The following TCF4 variants were observed in gnomAD, a reference collection of about 807,000 sequenced individuals.
TCF4 encodes transcription factor 4.
Under a neutral mutation model 82.1 loss-of-function variants are expected in TCF4, and 3 were observed. The observed-to-expected ratio is 0.04, with a 90% CI of 0.02 to 0.09. The LOEUF (loss-of-function observed/expected upper bound fraction) is 0.09. Ranked by LOEUF, TCF4 falls within the 10% of genes least tolerant of loss-of-function variation. The pLI is 1.00. For missense variants in TCF4, 518 were observed against 852.7 expected, an observed-to-expected ratio of 0.61 and a Z score of 4.89; for synonymous variants, 276 against 309.6, an observed-to-expected ratio of 0.89 and a Z score of 1.14.
At chr18:55,537,074 C>T (rs1302379160) in intron 3 of TCF4, among the ~76,000 whole-genome samples, 1 of 145,300 alleles carries the variant, frequency 6.9e-6, no homozygotes, top group Non-Finnish European at 1.5e-5. Context: ...GCAGAGCTGG[C>T]AGTGAGCAAA....
intron 3 of TCF4, among the ~76,000 whole-genome samples, chr18:55,480,445 G>A (rs1037142311): frequency 4.6e-5 from 7 of 151,970 alleles, no homozygotes; most frequent in Non-Finnish European, 1.0e-4. Flanking sequence ...AAAATCTTAC[G>A]AAAATAAAAT....
intron 5 of TCF4, among the ~76,000 whole-genome samples, chr18:55,409,830 C>G (rs1302454449): frequency 6.6e-6 from 1 of 152,072 alleles, no homozygotes; most frequent in Non-Finnish European, 1.5e-5. Flanking sequence ...ACTAGCTAGT[C>G]AACTTTACTC....
At chr18:55,579,140 GATTAA>G (rs1242219916) in intron 3 of TCF4, among the ~76,000 whole-genome samples, 1 of 150,784 alleles carries the variant, frequency 6.6e-6, no homozygotes, top group Non-Finnish European at 1.5e-5. Flanking sequence ...CTTCTCCAAA[GATTAA>G]ATTATTATTT....
chr18:55,624,429 C>A (rs1225915877), intron 2 of TCF4, among the ~76,000 whole-genome samples: 2 of 152,082 alleles, frequency 1.3e-5, no homozygotes, highest in African/African-American at 2.4e-5. Context: ...TTCAAGTGTT[C>A]TGGAAGAGTA....
intron 8 of TCF4, among the ~76,000 whole-genome samples, chr18:55,345,203 A>T (rs1253014709): frequency 6.6e-6 from 1 of 151,910 alleles, no homozygotes; most frequent in Non-Finnish European, 1.5e-5. Flanking sequence ...AAATATAAAG[A>T]TTCTCCTATA....
At chr18:55,515,812 G>A (rs1234195781) in intron 3 of TCF4, among the ~76,000 whole-genome samples, 1 of 152,062 alleles carries the variant, frequency 6.6e-6, no homozygotes, top group Non-Finnish European at 1.5e-5. Context: ...AATTTGGAGG[G>A]GGGTGGGCGT....
chr18:55,440,140 C>T (rs1326321935), intron 5 of TCF4, among the ~76,000 whole-genome samples: 2 of 152,174 alleles, frequency 1.3e-5, no homozygotes, highest in East Asian at 3.8e-4. Flanking sequence ...CCACGCCCAG[C>T]CACAATCATT....
At chr18:55,604,084 G>A (rs982343136) in intron 2 of TCF4, among the ~76,000 whole-genome samples, 4 of 152,066 alleles carry the variant, frequency 2.6e-5, no homozygotes, top group East Asian at 1.9e-4. Context: ...CAGAACAAGC[G>A]TTGGACACAT....
At chr18:55,613,101 TAA>T (rs1466837862) in intron 2 of TCF4, among the ~76,000 whole-genome samples, 1 of 152,184 alleles carries the variant, frequency 6.6e-6, no homozygotes, top group Non-Finnish European at 1.5e-5. Flanking sequence ...TTGAGGTGTA[TAA>T]GTGTCAAATA....
At chr18:55,271,630 A>C (rs572474254) in intron 10 of TCF4, among the ~76,000 whole-genome samples, 1 of 152,266 alleles carries the variant, frequency 6.6e-6, no homozygotes, top group Non-Finnish European at 1.5e-5. Context: ...ATGCCTTTCA[A>C]ATTTTTAAAT....
chr18:55,257,441 C>T (rs1159360441), intron 13 of TCF4, 50 bp from the exon 14 acceptor site: 11 of 1,573,724 alleles, frequency 7.0e-6, no homozygotes, highest in South Asian at 5.5e-5. Flanking sequence ...TGTAAAAAGA[C>T]GCTTGCCAAT....
At chr18:55,485,254 C>A (rs2145677608) in intron 3 of TCF4, among the ~76,000 whole-genome samples, 1 of 152,282 alleles carries the variant, frequency 6.6e-6, no homozygotes, top group South Asian at 2.1e-4. Context: ...AGACATTTCC[C>A]TATGTTTAAG....
At chr18:55,335,838 A>G (rs957218947) in intron 8 of TCF4, among the ~76,000 whole-genome samples, 1 of 152,188 alleles carries the variant, frequency 6.6e-6, no homozygotes, top group Non-Finnish European at 1.5e-5. Flanking sequence ...AACTACATAC[A>G]TATTTTTTGT....
intron 3 of TCF4, among the ~76,000 whole-genome samples, chr18:55,487,379 A>G (rs2096528371): frequency 6.6e-6 from 1 of 152,350 alleles, no homozygotes; most frequent in African/African-American, 2.4e-5. Flanking sequence ...CCCCACCAGG[A>G]TGCAAGCTTC....
chr18:55,503,307 TAGAA>T (rs1183099018), intron 3 of TCF4, among the ~76,000 whole-genome samples: 1 of 152,218 alleles, frequency 6.6e-6, no homozygotes. Context: ...AATTCGAAGT[TAGAA>T]AGCCATAAAT....
At chr18:55,292,077 C>T (rs371924883) in intron 8 of TCF4, among the ~76,000 whole-genome samples, 3 of 152,078 alleles carry the variant, frequency 2.0e-5, no homozygotes, top group South Asian at 4.2e-4. Context: ...AGTTAGTTCA[C>T]GACTTCAGGC....
intron 5 of TCF4, among the ~76,000 whole-genome samples, chr18:55,444,316 A>G (rs2095489925): frequency 6.6e-6 from 1 of 152,206 alleles, no homozygotes; most frequent in African/African-American, 2.4e-5. Flanking sequence ...AACACTAAAA[A>G]TGAGAGCAGA....
intron 5 of TCF4, among the ~76,000 whole-genome samples, chr18:55,431,649 C>G (rs2095200292): frequency 6.6e-6 from 1 of 152,126 alleles, no homozygotes; most frequent in South Asian, 2.1e-4. Flanking sequence ...GTATTTCTGA[C>G]TGAACGGTGA....
chr18:55,545,725 C>T, intron 3 of TCF4, among the ~76,000 whole-genome samples: 1 of 152,192 alleles, frequency 6.6e-6, no homozygotes, highest in Non-Finnish European at 1.5e-5. Context: ...GCTGGGATTA[C>T]AGGCGTGAGA....
Sources: allele counts gnomAD v4.1 joint callset (sites outside exome capture counted in the v4.1 genomes callset), GRCh38; gene constraint gnomAD v4.1.1; transcripts MANE v1.5; gene names NCBI Gene and HGNC (gene_info 2026-07-23, HGNC 2026-07-21).